NAGPA: variants seen among roughly 807,000 people sequenced by gnomAD.
The protein encoded by NAGPA is alpha-N-acetylglucosaminyl phosphodiesterase.
A neutral mutation model predicts 48.5 loss-of-function variants in NAGPA; 56 were observed. The observed-to-expected ratio is 1.15, with a 90% CI of 0.93 to 1.44. The LOEUF (loss-of-function observed/expected upper bound fraction) is 1.44. Ranked by LOEUF, NAGPA falls within the 40% of genes most tolerant of loss-of-function variation. NAGPA has a pLI of 0.00. For synonymous variants in NAGPA, 399 were observed against 315.5 expected (o/e 1.26, Z -2.81); for missense variants, 888 against 735.0 (o/e 1.21, Z -2.41).
chr16:5,033,090 C>G lies in NAGPA; in HGVS notation c.542+183G>C. On this transcript the variant is annotated intron_variant, in intron 2 of 9. Coordinates refer to ENST00000312251, the MANE Select transcript of NAGPA (RefSeq NM_016256.4). The surrounding 1 kb of genome is among the most constrained non-coding windows in gnomAD (Gnocchi z 4.2). ...CCGGGGCGCGGCACATTGCCTGATACAAGCAAGTGCTCAATGATACTGGAT... is the reference window on the plus strand; with the variant it reads ...CCGGGGCGCGGCACATTGCCTGATAGAAGCAAGTGCTCAATGATACTGGAT... The G allele has an allele frequency of 2.7e-6, 2 of 735,840 alleles. No homozygotes were observed. Among genetic ancestry groups the G allele is most frequent in the Middle Eastern group, 3.9e-4 (1 of 2,568 alleles). 45.6% of individuals were successfully genotyped at this position (735,840 alleles called of 1,614,324 possible).
Position 5,025,610 on chromosome 16 carries a change from G to A in NAGPA, c.1416C>T (p.Leu472=). 6.2e-7 allele frequency: 1 copy of A among 1,613,960 alleles called. No individual in the cohort carries two copies. The highest frequency in any genetic ancestry group is 2.2e-5 in the East Asian group (1 of 44,868). Residue 472 remains leucine (L), a synonymous_variant, in exon 10 of 10, where the codon CTC becomes CTT. Transcript: ENST00000312251. ...LISTAANLSL[L]LSRAERNRRL... ...GCCGGTTCCTCTCTGCTCTGGACAGGAGCAAGGACAGGTTTGCTGCAGTGC... is the reference window on the plus strand; with the variant it reads ...GCCGGTTCCTCTCTGCTCTGGACAGAAGCAAGGACAGGTTTGCTGCAGTGC...
chr16:5,025,733 A>G, intron 9 of NAGPA, 48 bp from the exon 10 acceptor site: 1 of 1,550,202 alleles, frequency 6.5e-7, no homozygotes, highest in Non-Finnish European at 8.7e-7. Context: ...GGGTGGGCTC[A>G]GGGCTTGGGT....
chr16:5,029,187 C>G, intron 4 of NAGPA, 179 bp from the exon 5 acceptor site: 3 of 997,868 alleles, frequency 3.0e-6, no homozygotes, highest in Non-Finnish European at 4.5e-6. Flanking sequence ...AGATCACACC[C>G]ATGCCTGTGC....
chr16:5,030,927 C>T lies in NAGPA; in HGVS notation c.683-434G>A, dbSNP rs1026306580. 4 of 239,852 alleles carry T rather than the reference C, an allele frequency of 1.7e-5. No individual in the cohort carries two copies. The East Asian group carries it at 4.4e-4, about 26-fold the overall frequency. The allele number at this position is 239,852 out of a possible 1,614,324, so 14.9% of individuals were successfully genotyped here. ...CCTTAGTGAGGCCTTCCTTGACCGC[C>T]CACTCTTTTTTTTTTTTTGAGACAA... On this transcript the variant is annotated intron_variant, in intron 3 of 9. Coordinates refer to ENST00000312251, the MANE Select transcript of NAGPA (RefSeq NM_016256.4).
At chr16:5,028,329 A>T (rs1567139296) in intron 5 of NAGPA, 144 bp from the exon 6 acceptor site, 1 of 1,467,476 alleles carries the variant, frequency 6.8e-7, no homozygotes, top group Non-Finnish European at 9.3e-7. Context: ...TTTTGAGATG[A>T]GGTATTGCGA....
At position 5,030,440 on chromosome 16, in the gene NAGPA, C is replaced by A. The variant is rs766757654; in HGVS notation, c.736G>T (p.Asp246Tyr). 4.5e-6 allele frequency: 7 copies of A among 1,554,670 alleles called. No individual in the cohort carries two copies. Among genetic ancestry groups the A allele is most frequent in the East Asian group, 2.4e-5 (1 of 41,306 alleles). The change falls in exon 4 of 10, where the codon GAC becomes TAC. Residue 246 changes from aspartate (D) to tyrosine (Y), a missense_variant. Asp to Tyr is a radical substitution (Grantham distance 160). Coordinates refer to ENST00000312251, the MANE Select transcript of NAGPA (RefSeq NM_016256.4). ...VISARTAIGHDRKGQLVLFHA... is the reference protein window; with the variant it reads ...VISARTAIGHYRKGQLVLFHA... ...AAGAGCACCAGCTGCCCTTTCCGGTCGTGGCCAATGGCCGTCCTGGCTGAT... is the reference window on the plus strand; with the variant it reads ...AAGAGCACCAGCTGCCCTTTCCGGTAGTGGCCAATGGCCGTCCTGGCTGAT...
chr16:5,025,377 ACCC>A lies in NAGPA; in HGVS notation c.*98_*100del, dbSNP rs138846343. 2.0e-3 allele frequency: 2,823 copies of A among 1,414,030 alleles called. 43 individuals are homozygous for A. The African/African-American group carries it at 0.035, about 18-fold the overall frequency. 87.6% of individuals were successfully genotyped at this position (1,414,030 alleles called of 1,614,324 possible). A position where few individuals can be genotyped will look rare whatever the true frequency, so the allele number is the denominator to read the frequency against. On this transcript the variant is annotated 3_prime_UTR_variant, in exon 10 of 10. Transcript: ENST00000312251. ...TGGCTGCCCCACAGGGGCTGAGGAC[ACCC>A]AGATGGTCCACGCCAGTGGCCTTGA...
At position 5,030,489 on chromosome 16, in the gene NAGPA, G is replaced by A. The variant is rs374964207; in HGVS notation, c.687C>T (p.Ser229=). ...ATATCACATTCACAAATTTGCTAAAGGAACCTGAAGGAAAAGCAGCCTGGC... is the reference window on the plus strand; with the variant it reads ...ATATCACATTCACAAATTTGCTAAAAGAACCTGAAGGAAAAGCAGCCTGGC... The part of the protein sequence containing the change: ...TECDETQETG[S]FSKFVNVISA... Residue 229 remains serine (S), a synonymous_variant, in exon 4 of 10, where the codon TCC becomes TCT. Coordinates refer to ENST00000312251, the MANE Select transcript of NAGPA (RefSeq NM_016256.4). 4 of 1,552,564 alleles carry A rather than the reference G, an allele frequency of 2.6e-6. No individual in the cohort carries two copies. The highest frequency in any genetic ancestry group is 2.0e-5 in the Admixed American group (1 of 51,100).
intron 4 of NAGPA, 68 bp from the exon 5 acceptor site, chr16:5,029,076 T>TCCACAGTGCAGAGCATCACGC: frequency 6.2e-7 from 1 of 1,601,362 alleles, no homozygotes; most frequent in Admixed American, 1.7e-5. Flanking sequence ...TCCTTTTCCT[T>TCCACAGTGCAGAGCATCACGC]CCACAGTGCA....
At position 5,031,872 on chromosome 16, in the gene NAGPA, C is replaced by G. The variant is rs1329407551; in HGVS notation, c.555G>C (p.Glu185Asp). 3 of 1,614,076 alleles carry G rather than the reference C, an allele frequency of 1.9e-6. No individual in the cohort carries two copies. The highest frequency in any genetic ancestry group is 1.6e-4 in the Middle Eastern group (1 of 6,082). Reference protein sequence around the residue: ...DGTLVTGYLSEEEVLDTENPF... With the variant: ...DGTLVTGYLSDEEVLDTENPF... Reference sequence around the variant, plus strand: ...GGTTCTCAGTGTCCAGCACCTCCTCCTCAGACAGGTACCTGGATCCGGGGA... The same window carrying G: ...GGTTCTCAGTGTCCAGCACCTCCTCGTCAGACAGGTACCTGGATCCGGGGA... The change falls in exon 3 of 10, where the codon GAG becomes GAC. Residue 185 changes from glutamate to aspartate, a missense_variant. Coordinates refer to ENST00000312251, the MANE Select transcript of NAGPA (RefSeq NM_016256.4).
chr16:5,025,443 C>G lies in NAGPA; in HGVS notation c.*35G>C. 1.9e-6 allele frequency: 3 copies of G among 1,608,796 alleles called. No individual in the cohort carries two copies. The highest frequency in any genetic ancestry group is 1.3e-5 in the African/African-American group (1 of 74,882). On this transcript the variant is annotated 3_prime_UTR_variant, in exon 10 of 10. Coordinates refer to ENST00000312251, the MANE Select transcript of NAGPA (RefSeq NM_016256.4). ...AGAAGCCAGACCGTGGGGAAACAAG[C>G]TTTCGCGACGTGCCACCCCGGGCAG...
Position 5,027,976 on chromosome 16 carries a change from TCACTCTCCGTGCA to T in NAGPA, c.1117_1126+3del, listed in dbSNP as rs1051199553. The T allele has an allele frequency of 6.9e-6, 9 of 1,300,194 alleles. No homozygotes were observed. The highest frequency in any genetic ancestry group is 9.0e-6 in the Non-Finnish European group (9 of 997,844). The allele number at this position is 1,300,194 out of a possible 1,614,324, so 80.5% of individuals were successfully genotyped here. ...AGAGCCCCCTCCCCAGAACCCCCAC[TCACTCTCCGTGCA>T]CAGTCCGTGCTGGCTGCAGTTAGAG... On this transcript the variant is annotated splice_donor_variant and splice_donor_region_variant and coding_sequence_variant and intron_variant, in exon 6 of 10. Transcript: ENST00000312251. LOFTEE classifies it high-confidence loss of function.
At chr16:5,029,259 AC>A (rs543738107) in intron 4 of NAGPA, 459 of 543,384 alleles carry the variant, frequency 8.4e-4, no homozygotes, top group African/African-American at 8.1e-3. Flanking sequence ...GGGTGCAGCC[AC>A]TGGAATCACA....
At chr16:5,031,631 GT>G in intron 3 of NAGPA, 113 bp downstream of exon 3, 1 of 1,420,362 alleles carries the variant, frequency 7.0e-7, no homozygotes. Context: ...ACCCAGAATA[GT>G]GCTGGGCACA....
rs371008502 is a variant in NAGPA at position 5,027,574 on chromosome 16, C to A, written c.1175-195G>T. Among the ~76,000 whole-genome samples the A allele has an allele frequency of 5.9e-5, 9 of 152,306 alleles. No individual in the cohort carries two copies. The East Asian group carries it at 1.5e-3, about 26-fold the overall frequency. ...TTTGGAAGCAGAATCTCTACAGAGGCACTGCAGTTAGGATCTCAAGATAAG... is the reference window on the plus strand; with the variant it reads ...TTTGGAAGCAGAATCTCTACAGAGGAACTGCAGTTAGGATCTCAAGATAAG... On this transcript the variant is annotated intron_variant, in intron 7 of 9. Transcript: ENST00000312251.
chr16:5,026,220 C>A (rs144045007), intron 9 of NAGPA, among the ~76,000 whole-genome samples: 1 of 150,830 alleles, frequency 6.6e-6, no homozygotes, highest in Non-Finnish European at 1.5e-5. Context: ...TGAGCCACCA[C>A]GCCTGGCCTG....
At position 5,033,715 on chromosome 16, in the gene NAGPA, C is replaced by T. The variant is rs1232875183; in HGVS notation, c.100G>A (p.Asp34Asn). Residue 34 changes from aspartate to asparagine, a missense_variant, in exon 2 of 10, where the codon GAC becomes AAC. Coordinates refer to ENST00000312251, the MANE Select transcript of NAGPA (RefSeq NM_016256.4). The surrounding 1 kb of genome is among the most constrained non-coding windows in gnomAD (Gnocchi z 4.2). Reference protein sequence around the residue: ...GGLDSGASRDDDLLLPYPRAR... With the variant: ...GGLDSGASRDNDLLLPYPRAR... ...CGTGGATAGGGCAGTAGCAAGTCGT[C>T]GTCGCGGGAGGCCCTGCGGGGACGG... 2 of 1,603,466 alleles carry T rather than the reference C, an allele frequency of 1.2e-6. No individual in the cohort carries two copies. The highest frequency in any genetic ancestry group is 1.3e-5 in the African/African-American group (1 of 74,784).
At chr16:5,030,633 C>T in intron 3 of NAGPA, 140 bp from the exon 4 acceptor site, 1 of 743,598 alleles carries the variant, frequency 1.3e-6, no homozygotes, top group Non-Finnish European at 2.4e-6. Flanking sequence ...CCCTGCCTCC[C>T]CTCTGCACAT....
rs754960148 is a variant in NAGPA, at chr16:5,033,674, G to T, written c.141C>A (p.Leu47=). The part of the protein sequence containing the change: ...LLPYPRARAR[L]PRDCTRVRAG... Reference sequence around the variant, plus strand: ...CGCGCACCCGTGTGCAGTCCCGGGGGAGGCGCGCGCGCGCGCGTGGATAGG... The same window carrying T: ...CGCGCACCCGTGTGCAGTCCCGGGGTAGGCGCGCGCGCGCGCGTGGATAGG... The change falls in exon 2 of 10, where the codon CTC becomes CTA. Residue 47 remains leucine (L), a synonymous_variant. Transcript: ENST00000312251. The surrounding 1 kb of genome is among the most constrained non-coding windows in gnomAD (Gnocchi z 4.2). 3 of 1,594,554 alleles carry T rather than the reference G, an allele frequency of 1.9e-6. No homozygotes were observed. The highest frequency in any genetic ancestry group is 1.7e-5 in the Admixed American group (1 of 59,282).
Sources: gnomAD v4.1 joint callset for allele counts (sites outside exome capture counted in the v4.1 genomes callset) on GRCh38, gnomAD v4.1.1 for gene constraint, Gnocchi (gnomAD v3.1) non-coding constraint, MANE v1.5 for transcripts, NCBI Gene and HGNC (gene_info 2026-07-23, HGNC 2026-07-21) for gene names.